The following CSMD1 variants were observed in gnomAD, a reference collection of about 807,000 sequenced individuals.
CSMD1 encodes the protein CUB and sushi domain-containing protein 1.
In CSMD1, 213 loss-of-function variants were observed where a neutral mutation model predicts 417.5. The ratio of observed to expected loss-of-function variants is 0.51; its 90% CI spans 0.46 to 0.57. The LOEUF is 0.57. Ranked by LOEUF, CSMD1 falls within the 20% of genes least tolerant of loss-of-function variation. CSMD1 has a pLI of 0.00. For synonymous variants in CSMD1, 2,862 were observed against 1,736.8 expected (o/e 1.65, Z -16.11); for missense variants, 6,923 against 4,529.7 (o/e 1.53, Z -15.17).
rs553140712 is a variant in CSMD1, at chr8:3,204,060, G to A, written c.4984+1444C>T. Among the ~76,000 whole-genome samples, 3 of 152,298 alleles carry A rather than the reference G, an allele frequency of 2.0e-5. No homozygotes were observed. In the East Asian group the frequency reaches 5.8e-4, roughly 29 times the overall value. ...AGTTTATTTATCAGGAAAGAGTAAC[G>A]AATGGGGGAAGAAAGTAAAAGATGA... On this transcript the variant is annotated intron_variant, in intron 31 of 69. Coordinates refer to ENST00000635120, the MANE Select transcript of CSMD1 (RefSeq NM_033225.6).
At chr8:4,810,516 G>C (rs573593703) in intron 1 of CSMD1, among the ~76,000 whole-genome samples, 43 of 151,612 alleles carry the variant, frequency 2.8e-4, no homozygotes, top group South Asian at 1.9e-3. Flanking sequence ...GTAACACTTA[G>C]TAAAATACAC....
At chr8:3,510,967 C>G (rs1033825811) in intron 10 of CSMD1, among the ~76,000 whole-genome samples, 1 of 151,772 alleles carries the variant, frequency 6.6e-6, no homozygotes, top group African/African-American at 2.4e-5. Context: ...ATAGCAAAGA[C>G]TTGGAATGAA....
At chr8:4,319,518 TAAACAAAC>T (rs1300497129) in intron 3 of CSMD1, among the ~76,000 whole-genome samples, 2 of 151,866 alleles carry the variant, frequency 1.3e-5, no homozygotes, top group South Asian at 2.1e-4. Context: ...GAGCAGAAAA[TAAACAAAC>T]AAACAAACAA....
intron 5 of CSMD1, among the ~76,000 whole-genome samples, chr8:3,778,233 C>G (rs1329374201): frequency 6.6e-6 from 1 of 152,022 alleles, no homozygotes; most frequent in Non-Finnish European, 1.5e-5. Context: ...GTGGAACTGA[C>G]TATTTTCTGC....
At chr8:3,865,896 A>G (rs572386660) in intron 5 of CSMD1, among the ~76,000 whole-genome samples, 1 of 152,322 alleles carries the variant, frequency 6.6e-6, no homozygotes, top group African/African-American at 2.4e-5. Flanking sequence ...AATATTTACA[A>G]GTAATTGTCA....
rs1797571675 is a variant in CSMD1, at chr8:3,523,002, T to TAC, written c.1345-29277_1345-29276insGT. ...TATATACATACAAAATGGAGATACA[T>TAC]ATATACACACACCCACACACACACA... On this transcript the variant is annotated intron_variant, in intron 10 of 69. Coordinates refer to ENST00000635120, the MANE Select transcript of CSMD1 (RefSeq NM_033225.6). 5.6e-5 allele frequency among the ~76,000 whole-genome samples: 7 copies of TAC among 124,598 alleles called. No individual in the cohort carries two copies. The South Asian group carries it at 1.8e-3, about 32-fold the overall frequency. The allele number at this position is 124,598 out of a possible 152,430, so 81.7% of individuals were successfully genotyped here. A position where few individuals can be genotyped will look rare whatever the true frequency, so the allele number is the denominator to read the frequency against.
At chr8:3,921,883 T>C (rs183233182) in intron 5 of CSMD1, among the ~76,000 whole-genome samples, 2 of 152,268 alleles carry the variant, frequency 1.3e-5, no homozygotes, top group East Asian at 1.9e-4. Flanking sequence ...AGGTTCTGCA[T>C]GTGTCTGTTA....
At chr8:4,663,209 G>C (rs1208889848) in intron 1 of CSMD1, among the ~76,000 whole-genome samples, 1 of 152,100 alleles carries the variant, frequency 6.6e-6, no homozygotes, top group Admixed American at 6.6e-5. Context: ...ACAAGCCTGA[G>C]ACACATTATC....
At chr8:3,208,078 A>T (rs1011788291) in intron 30 of CSMD1, among the ~76,000 whole-genome samples, 1 of 152,152 alleles carries the variant, frequency 6.6e-6, no homozygotes, top group African/African-American at 2.4e-5. Flanking sequence ...TTTTTAAAAA[A>T]CTTAGCACAA....
chr8:4,688,802 C>G (rs1806570855), intron 1 of CSMD1, among the ~76,000 whole-genome samples: 1 of 152,162 alleles, frequency 6.6e-6, no homozygotes, highest in African/African-American at 2.4e-5. Flanking sequence ...TTTGTGAGAA[C>G]AGCTCTGTAA....
chr8:4,611,237 T>A (rs1211364895), intron 2 of CSMD1, among the ~76,000 whole-genome samples: 2 of 152,202 alleles, frequency 1.3e-5, no homozygotes, highest in South Asian at 4.1e-4. Context: ...CAATGGGTAC[T>A]ATTCGTCAAT....
chr8:4,259,971 A>G (rs1803753437), intron 3 of CSMD1, among the ~76,000 whole-genome samples: 1 of 151,966 alleles, frequency 6.6e-6, no homozygotes, highest in African/African-American at 2.4e-5. Context: ...CTAGTTTTTC[A>G]CTATTGATAA....
intron 1 of CSMD1, among the ~76,000 whole-genome samples, chr8:4,912,818 C>T (rs1585315189): frequency 6.6e-6 from 1 of 151,900 alleles, no homozygotes; most frequent in African/African-American, 2.4e-5. Context: ...CAGAGTCTTG[C>T]TCTGTCTCCT....
At chr8:3,996,663 G>T (rs139351130) in intron 5 of CSMD1, among the ~76,000 whole-genome samples, 10 of 152,120 alleles carry the variant, frequency 6.6e-5, no homozygotes, top group South Asian at 6.2e-4. Flanking sequence ...TAAGCAGATT[G>T]GTCCTGGCTA....
intron 5 of CSMD1, among the ~76,000 whole-genome samples, chr8:3,943,984 T>C (rs1250100603): frequency 2.6e-5 from 4 of 152,296 alleles, no homozygotes; most frequent in East Asian, 3.9e-4. Flanking sequence ...TAGGCAATGA[T>C]ATTAAATCAG....
chr8:3,709,472 T>G (rs183896316), intron 6 of CSMD1, among the ~76,000 whole-genome samples: 31 of 152,128 alleles, frequency 2.0e-4, no homozygotes, highest in Admixed American at 1.5e-3. Context: ...GCTCAGACAT[T>G]GGGCCAGAGG....
intron 3 of CSMD1, among the ~76,000 whole-genome samples, chr8:4,385,441 T>C (rs1803384086): frequency 6.6e-6 from 1 of 152,208 alleles, no homozygotes; most frequent in African/African-American, 2.4e-5. Context: ...TTAGTACATG[T>C]TTCTTTTCTT....
intron 3 of CSMD1, among the ~76,000 whole-genome samples, chr8:4,234,473 G>A (rs17069664): frequency 0.014 from 2,156 of 152,138 alleles, 48 homozygotes; most frequent in African/African-American, 0.048. Flanking sequence ...GGCCATTTGA[G>A]ACCTGCTTAT....
chr8:3,105,339 C>T (rs185401761), intron 46 of CSMD1, among the ~76,000 whole-genome samples: 1 of 152,196 alleles, frequency 6.6e-6, no homozygotes, highest in Admixed American at 6.5e-5. Flanking sequence ...TAGTTGGATT[C>T]CTTGAAAGAG....
Sources: gnomAD v4.1 joint callset for allele counts (sites outside exome capture counted in the v4.1 genomes callset) on GRCh38, gnomAD v4.1.1 for gene constraint, MANE v1.5 for transcripts, NCBI Gene and HGNC (gene_info 2026-07-23, HGNC 2026-07-21) for gene names.